Variants in TOMM70 observed in about 807,000 individuals in gnomAD.
The protein encoded by TOMM70 is mitochondrial import receptor subunit TOM70.
In TOMM70, 13 loss-of-function variants were observed where a neutral mutation model predicts 73.6. The observed-to-expected ratio is 0.18, with a 90% confidence interval of 0.11 to 0.28. TOMM70 has a LOEUF of 0.28. TOMM70 is among the 10% of genes least tolerant of loss of function. The probability of loss-of-function intolerance (pLI) is 1.00; values close to 1 mark genes in which losing one functional copy is unlikely to be tolerated. For synonymous variants in TOMM70, 257 were observed against 271.2 expected (o/e 0.95, Z 0.51); for missense variants, 609 against 747.5 (o/e 0.81, Z 2.16).
chr3:100,373,099 C>T (rs1264151461), intron 8 of TOMM70, among the ~76,000 whole-genome samples: 2 of 147,364 alleles, frequency 1.4e-5, no homozygotes, highest in African/African-American at 2.5e-5. Context: ...TCCAGCCATA[C>T]AGCTAACTGG....
chr3:100,366,264 C>T (rs1376529420), intron 11 of TOMM70, among the ~76,000 whole-genome samples: 1 of 152,210 alleles, frequency 6.6e-6, no homozygotes, highest in East Asian at 1.9e-4. Flanking sequence ...ATGTGAGTTC[C>T]TCACACCTAC....
At position 100,377,768 on chromosome 3, in the gene TOMM70, G is replaced by T. The variant is rs1706581795; in HGVS notation, c.1029C>A (p.Gly343=). The change falls in exon 6 of 12, where the codon GGC becomes GGA. Residue 343 remains glycine (G), a synonymous_variant. Coordinates refer to ENST00000284320, the MANE Select transcript of TOMM70 (RefSeq NM_014820.5). ...AATCTGGTTTGGCTGCATTGGCATT[G>T]CCAATAAGCAGGTAGAAGGTAGCTC... ...LLRATFYLLI[G]NANAAKPDLD... is the part of the protein sequence containing the mutation. 6.2e-7 allele frequency: 1 copy of T among 1,614,156 alleles called. No homozygotes were observed. The highest frequency in any genetic ancestry group is 8.5e-7 in the Non-Finnish European group (1 of 1,180,028).
intron 6 of TOMM70, chr3:100,377,363 C>T (rs1244293647): frequency 5.2e-6 from 1 of 191,354 alleles, no homozygotes; most frequent in East Asian, 1.2e-4. Flanking sequence ...CCTGGTGCTA[C>T]ATATTACACG....
intron 1 of TOMM70, among the ~76,000 whole-genome samples, chr3:100,393,362 A>T (rs938395428): frequency 6.6e-6 from 1 of 152,216 alleles, no homozygotes; most frequent in African/African-American, 2.4e-5. Flanking sequence ...ACCAAATACC[A>T]TATGTTCTCA....
At chr3:100,383,818 T>A (rs1169889554) in intron 4 of TOMM70, among the ~76,000 whole-genome samples, 1 of 152,236 alleles carries the variant, frequency 6.6e-6, no homozygotes, top group Non-Finnish European at 1.5e-5. Context: ...TGGTACTCTC[T>A]TTACTTACAT....
At chr3:100,366,699 G>C (rs756210039) in intron 11 of TOMM70, among the ~76,000 whole-genome samples, 3 of 152,198 alleles carry the variant, frequency 2.0e-5, no homozygotes, top group Non-Finnish European at 4.4e-5. Flanking sequence ...GTAAGGTTCA[G>C]AATGGATTTT....
chr3:100,383,724 G>A (rs1422171005), intron 4 of TOMM70, among the ~76,000 whole-genome samples: 2 of 152,144 alleles, frequency 1.3e-5, no homozygotes, highest in Non-Finnish European at 2.9e-5. Flanking sequence ...AAAAAAGCAA[G>A]TTATTATTAA....
At chr3:100,374,136 T>C (rs1180146210) in intron 7 of TOMM70, among the ~76,000 whole-genome samples, 1 of 152,242 alleles carries the variant, frequency 6.6e-6, no homozygotes, top group Non-Finnish European at 1.5e-5. Flanking sequence ...CAAAAGATTG[T>C]AATACTGCAT....
At chr3:100,367,282 AT>A (rs71860843) in intron 11 of TOMM70, among the ~76,000 whole-genome samples, 6 of 150,744 alleles carry the variant, frequency 4.0e-5, no homozygotes, top group Admixed American at 2.0e-4. Flanking sequence ...AAGAAACACA[AT>A]TTTTTTTTTA....
chr3:100,388,055 A>G (rs1187835958), intron 1 of TOMM70, among the ~76,000 whole-genome samples: 2 of 152,232 alleles, frequency 1.3e-5, no homozygotes, highest in African/African-American at 4.8e-5. Flanking sequence ...GATGAAAGGA[A>G]CCAAGACAAG....
rs763103265 is a variant in TOMM70 at position 100,377,848 on chromosome 3, A to T, written c.949T>A (p.Cys317Ser). 2.7e-5 allele frequency: 44 copies of T among 1,614,092 alleles called. 1 individual carries two copies. In the South Asian group the frequency reaches 4.7e-4, roughly 17 times the overall value. Residue 317 changes from cysteine to serine, a missense_variant, in exon 6 of 12, where the codon TGC (cysteine) becomes AGC (serine). Physicochemically the swap from Cys to Ser is moderately radical, Grantham distance 112 (BLOSUM62 -1). Transcript: ENST00000284320. ...EENYDKIISECSKEIDAEGKY... is the reference protein window; with the variant it reads ...EENYDKIISESSKEIDAEGKY... ...CCTTCAGCATCTATTTCTTTTGAGCATTCACTTATGATTTTATCGTAGTTT... is the reference window on the plus strand; with the variant it reads ...CCTTCAGCATCTATTTCTTTTGAGCTTTCACTTATGATTTTATCGTAGTTT...
rs771440056 is a variant in TOMM70 at position 100,365,547 on chromosome 3, TC to T, written c.*16del. Reference sequence around the variant, plus strand: ...GGTAAACTTTTAAAAAGAGGGTCAGTCTGCTTTCCCCCTGTTTTATAATGTT... The same window carrying T: ...GGTAAACTTTTAAAAAGAGGGTCAGTTGCTTTCCCCCTGTTTTATAATGTT... On this transcript the variant is annotated 3_prime_UTR_variant, in exon 12 of 12. Transcript: ENST00000284320. The T allele has an allele frequency of 1.9e-6, 3 of 1,614,054 alleles. No individual in the cohort carries two copies. Among genetic ancestry groups the T allele is most frequent in the Non-Finnish European group, 2.5e-6 (3 of 1,179,922 alleles).
In TOMM70 at chr3:100,400,704, T is replaced by C. The variant is rs7645509; in HGVS notation, c.246A>G (p.Glu82=). ...TGGCCCTGCCCTCCGGGGTCTTCCG[T>C]TCGCTGTTGCGCTTCAGGCCGCTGG... The part of the protein sequence containing the change: ...GDASGLKRNS[E]RKTPEGRASP... The change falls in exon 1 of 12, where the codon GAA becomes GAG. Residue 82 remains glutamate (E), a synonymous_variant. Coordinates refer to ENST00000284320, the MANE Select transcript of TOMM70 (RefSeq NM_014820.5). 24,119 of 1,611,352 alleles carry C rather than the reference T, an allele frequency of 0.015. 324 individuals carry two copies. Among genetic ancestry groups the C allele is most frequent in the East Asian group, 0.043 (1,908 of 44,796 alleles).
chr3:100,396,367 G>A (rs895086534), intron 1 of TOMM70, among the ~76,000 whole-genome samples: 3 of 152,082 alleles, frequency 2.0e-5, no homozygotes, highest in African/African-American at 7.2e-5. Flanking sequence ...CTCATTTCAT[G>A]GGCTAAACAT....
At chr3:100,388,246 C>A (rs1706716389) in intron 1 of TOMM70, among the ~76,000 whole-genome samples, 1 of 152,182 alleles carries the variant, frequency 6.6e-6, no homozygotes, top group African/African-American at 2.4e-5. Context: ...AAAACACCCA[C>A]AATAAAGCAA....
chr3:100,364,827 C>A lies in TOMM70; in HGVS notation c.*737G>T, dbSNP rs1274974097. On this transcript the variant is annotated 3_prime_UTR_variant, in exon 12 of 12. Coordinates refer to ENST00000284320, the MANE Select transcript of TOMM70 (RefSeq NM_014820.5). The stretch of plus-strand genomic sequence containing the variant: ...AACACACTACTGTTTCATCTTACCT[C>A]TTTGTCTGGTCCACTCCCCCATCAA... The A allele has an allele frequency of 6.6e-6, 1 of 152,186 alleles. No individual in the cohort carries two copies. The highest frequency in any genetic ancestry group is 1.9e-4 in the East Asian group (1 of 5,198). 9.4% of individuals were successfully genotyped at this position (152,186 alleles called of 1,614,324 possible).
intron 1 of TOMM70, among the ~76,000 whole-genome samples, chr3:100,391,754 C>T (rs578199385): frequency 1.5e-4 from 23 of 152,202 alleles, no homozygotes; most frequent in Non-Finnish European, 2.8e-4. Flanking sequence ...TTTAAAAGTT[C>T]ATAAAGTTAA....
intron 2 of TOMM70, among the ~76,000 whole-genome samples, 172 bp from the exon 3 acceptor site, chr3:100,386,516 T>G (rs1706694657): frequency 6.6e-6 from 1 of 152,144 alleles, no homozygotes; most frequent in Non-Finnish European, 1.5e-5. Context: ...ATCAAAAAGT[T>G]AAAGAAATAG....
chr3:100,392,013 A>C (rs562264318), intron 1 of TOMM70, among the ~76,000 whole-genome samples: 1 of 152,282 alleles, frequency 6.6e-6, no homozygotes, highest in East Asian at 1.9e-4. Context: ...TTCTATGTTT[A>C]GGTACCCAAA....
Sources: gnomAD v4.1 joint callset for allele counts (sites outside exome capture counted in the v4.1 genomes callset) on GRCh38, gnomAD v4.1.1 for gene constraint, MANE v1.5 for transcripts, NCBI Gene and HGNC (gene_info 2026-07-23, HGNC 2026-07-21) for gene names.